RSRC1: variants seen among roughly 807,000 people sequenced by gnomAD.
RSRC1 encodes the protein arginine and serine rich coiled-coil 1.
In RSRC1, 39 loss-of-function variants were observed where a neutral mutation model predicts 49.1. The ratio of observed to expected loss-of-function variants is 0.79; its 90% confidence interval spans 0.61 to 1.04. The LOEUF (loss-of-function observed/expected upper bound fraction) is 1.04, where lower values mean the gene tolerates loss of function less well. RSRC1 is among the 50% of genes least tolerant of loss of function. The probability of loss-of-function intolerance (pLI) is 0.00; values close to 1 mark genes in which losing one functional copy is unlikely to be tolerated. For synonymous variants in RSRC1, 143 were observed against 130.8 expected (o/e 1.09, Z -0.63); for missense variants, 388 against 402.4 (o/e 0.96, Z 0.31).
intron 3 of RSRC1, among the ~76,000 whole-genome samples, chr3:158,176,757 C>T (rs1719245928): frequency 6.6e-6 from 1 of 152,198 alleles, no homozygotes. Context: ...ATGACTAAAA[C>T]ACCAAACGCA....
At chr3:158,146,520 G>A (rs1447450013) in intron 3 of RSRC1, among the ~76,000 whole-genome samples, 6 of 152,030 alleles carry the variant, frequency 3.9e-5, no homozygotes, top group Admixed American at 1.3e-4. Flanking sequence ...GTGCTGCTGG[G>A]TTCGGTTTGC....
intron 3 of RSRC1, among the ~76,000 whole-genome samples, chr3:158,170,090 T>C (rs1172128190): frequency 6.6e-6 from 1 of 152,164 alleles, no homozygotes; most frequent in Non-Finnish European, 1.5e-5. Context: ...AATTACCCTG[T>C]GAAATTTATT....
At chr3:158,395,826 A>G (rs1436316226) in intron 6 of RSRC1, among the ~76,000 whole-genome samples, 2 of 152,022 alleles carry the variant, frequency 1.3e-5, no homozygotes, top group African/African-American at 4.8e-5. Flanking sequence ...TCAAATAAGC[A>G]ATCTTATTAC....
chr3:158,365,533 T>A (rs964811293), intron 6 of RSRC1, among the ~76,000 whole-genome samples: 2 of 152,226 alleles, frequency 1.3e-5, no homozygotes, highest in African/African-American at 4.8e-5. Context: ...ACATTTTCTT[T>A]ATCCAGTCTA....
chr3:158,512,509 T>C (rs1168234409), intron 7 of RSRC1, among the ~76,000 whole-genome samples: 1 of 152,240 alleles, frequency 6.6e-6, no homozygotes, highest in Non-Finnish European at 1.5e-5. Flanking sequence ...GCTGTTTTGT[T>C]TACTGTAGCC....
At chr3:158,533,603 C>T (rs1380581443) in intron 7 of RSRC1, among the ~76,000 whole-genome samples, 1 of 151,610 alleles carries the variant, frequency 6.6e-6, no homozygotes, top group East Asian at 1.9e-4. Context: ...ATTTCCTTTA[C>T]AACTCCAAAT....
intron 5 of RSRC1, among the ~76,000 whole-genome samples, chr3:158,351,114 C>A (rs1324512285): frequency 6.6e-6 from 1 of 152,152 alleles, no homozygotes; most frequent in African/African-American, 2.4e-5. Context: ...GCTACTTTTT[C>A]TGAGCCAGGC....
intron 4 of RSRC1, among the ~76,000 whole-genome samples, chr3:158,206,028 A>T (rs1487956405): frequency 6.6e-6 from 1 of 152,222 alleles, no homozygotes; most frequent in African/African-American, 2.4e-5. Context: ...ATAGTAAACT[A>T]ACAGGAAGGC....
chr3:158,133,967 A>C (rs1716197784), intron 3 of RSRC1, among the ~76,000 whole-genome samples: 1 of 152,150 alleles, frequency 6.6e-6, no homozygotes, highest in East Asian at 1.9e-4. Flanking sequence ...TCAAAAGTGG[A>C]TTGAGTGGAC....
intron 7 of RSRC1, among the ~76,000 whole-genome samples, chr3:158,506,955 C>G (rs1210157354): frequency 1.3e-5 from 2 of 151,802 alleles, no homozygotes; most frequent in African/African-American, 4.8e-5. Context: ...TATTGCAGCA[C>G]TAGTCCTAGT....
intron 4 of RSRC1, among the ~76,000 whole-genome samples, chr3:158,226,720 T>C (rs991845767): frequency 6.6e-6 from 1 of 151,932 alleles, no homozygotes; most frequent in East Asian, 1.9e-4. Context: ...CAAGTTTTTA[T>C]TGCAAAAACC....
intron 4 of RSRC1, among the ~76,000 whole-genome samples, chr3:158,218,033 C>T (rs999131022): frequency 4.6e-5 from 7 of 151,426 alleles, no homozygotes; most frequent in African/African-American, 1.7e-4. Flanking sequence ...CGAACAGGGA[C>T]TGAAAGATGA....
chr3:158,285,937 G>C (rs974217822), intron 4 of RSRC1, among the ~76,000 whole-genome samples: 1 of 152,190 alleles, frequency 6.6e-6, no homozygotes, highest in Admixed American at 6.5e-5. Context: ...ATGTTGAATA[G>C]GAGTGGTGTT....
chr3:158,523,827 C>G (rs1711846391), intron 7 of RSRC1, among the ~76,000 whole-genome samples: 1 of 152,020 alleles, frequency 6.6e-6, no homozygotes, highest in Non-Finnish European at 1.5e-5. Flanking sequence ...GAAGCTTTCC[C>G]AGACATTTTC....
chr3:158,406,974 T>G (rs1439759451), intron 6 of RSRC1, among the ~76,000 whole-genome samples: 1 of 151,978 alleles, frequency 6.6e-6, no homozygotes, highest in Non-Finnish European at 1.5e-5. Flanking sequence ...TAGACCCGAG[T>G]AGGAGGACCC....
chr3:158,282,744 T>C (rs1726256832), intron 4 of RSRC1, among the ~76,000 whole-genome samples: 1 of 152,188 alleles, frequency 6.6e-6, no homozygotes, highest in Admixed American at 6.5e-5. Context: ...AAGAGAATCT[T>C]GTTTTAGGTA....
intron 6 of RSRC1, among the ~76,000 whole-genome samples, chr3:158,434,034 C>A (rs1284410143): frequency 6.6e-6 from 1 of 151,898 alleles, no homozygotes; most frequent in East Asian, 1.9e-4. Flanking sequence ...TAAAACTAAT[C>A]AAATCCAGCT....
intron 3 of RSRC1, among the ~76,000 whole-genome samples, chr3:158,170,648 C>CA: frequency 6.6e-6 from 1 of 152,188 alleles, no homozygotes; most frequent in East Asian, 1.9e-4. Context: ...GGATTTGACT[C>CA]AGAGTAGTCC....
chr3:158,454,514 C>T (rs1182961181), intron 6 of RSRC1, among the ~76,000 whole-genome samples: 4 of 152,082 alleles, frequency 2.6e-5, no homozygotes, highest in Non-Finnish European at 5.9e-5. Context: ...TAGTCTTCAA[C>T]TGTATTCATT....
Sources: allele counts gnomAD v4.1 joint callset (sites outside exome capture counted in the v4.1 genomes callset), GRCh38; gene constraint gnomAD v4.1.1; transcripts MANE v1.5; gene names NCBI Gene and HGNC (gene_info 2026-07-23, HGNC 2026-07-21).